Variants in AR observed in about 807,000 individuals in gnomAD.
AR encodes dihydrotestosterone receptor.
AR carries 8 observed loss-of-function variants against 53.9 expected under a neutral mutation model. That is an observed-to-expected ratio of 0.15 (90% CI 0.09 to 0.27). The LOEUF (loss-of-function observed/expected upper bound fraction) is 0.27. Among genes scored for constraint, AR ranks in the 10% least tolerant of loss-of-function variants. The probability of loss-of-function intolerance (pLI) is 1.00; values close to 1 mark genes in which losing one functional copy is unlikely to be tolerated. For missense variants in AR, 639 were observed against 742.5 expected, an observed-to-expected ratio of 0.86 and a Z score of 1.62; for synonymous variants, 359 against 316.4, an observed-to-expected ratio of 1.13 and a Z score of -1.43.
At chrX:67,666,572 C>A (rs536445302) in intron 2 of AR, among the ~76,000 whole-genome samples, 1 of 111,544 alleles carries the variant, frequency 9.0e-6, no homozygotes, top group Non-Finnish European at 1.9e-5. Flanking sequence ...AGGGTGTATA[C>A]CCAGCAGTGG....
intron 2 of AR, among the ~76,000 whole-genome samples, chrX:67,653,739 G>A (rs1467360840): frequency 2.7e-5 from 3 of 110,872 alleles, no homozygotes; most frequent in African/African-American, 6.6e-5. Context: ...TATCCAGGTA[G>A]TGTAACAAGA....
At chrX:67,559,366 C>T (rs1171596533) in intron 1 of AR, among the ~76,000 whole-genome samples, 2 of 111,841 alleles carry the variant, frequency 1.8e-5, no homozygotes, top group African/African-American at 3.3e-5. Context: ...TGAGCAGAGT[C>T]CATTTCCTTC....
intron 3 of AR, chrX:67,695,296 G>A (rs927490851): frequency 1.4e-4 from 104 of 752,382 alleles, no homozygotes; most frequent in Non-Finnish European, 1.6e-4. Context: ...CTCAGGCCCT[G>A]TCACTGAGCT....
At chrX:67,556,461 G>A (rs972660038) in intron 1 of AR, among the ~76,000 whole-genome samples, 3 of 111,623 alleles carry the variant, frequency 2.7e-5, no homozygotes, top group Non-Finnish European at 5.6e-5. Context: ...GAGAGTTCTG[G>A]GTGCCAATAA....
chrX:67,691,505 G>A (rs1420093513), intron 3 of AR, among the ~76,000 whole-genome samples: 2 of 111,975 alleles, frequency 1.8e-5, no homozygotes, highest in African/African-American at 6.5e-5. Context: ...AGTAACCGAG[G>A]AGCTTTGTAA....
At chrX:67,702,783 G>C (rs1382200563) in intron 3 of AR, among the ~76,000 whole-genome samples, 14 of 112,317 alleles carry the variant, frequency 1.2e-4, no homozygotes, top group Non-Finnish European at 1.9e-5. Flanking sequence ...TTTCTAATTA[G>C]AACTAAAAGT....
intron 2 of AR, among the ~76,000 whole-genome samples, chrX:67,656,700 C>A (rs780599861): frequency 9.0e-6 from 1 of 111,307 alleles, no homozygotes; most frequent in Non-Finnish European, 1.9e-5. Flanking sequence ...ACCTAATTCA[C>A]CTCAGTTCAA....
chrX:67,633,776 T>G (rs1440810167), intron 1 of AR, among the ~76,000 whole-genome samples: 1 of 111,807 alleles, frequency 8.9e-6, no homozygotes, highest in Non-Finnish European at 1.9e-5. Context: ...GGATGAACCT[T>G]GAAAACATTA....
chrX:67,653,655 C>T (rs1415902039), intron 2 of AR, among the ~76,000 whole-genome samples: 1 of 111,137 alleles, frequency 9.0e-6, no homozygotes, highest in East Asian at 2.8e-4. Flanking sequence ...GCTCTTTGTA[C>T]CTTGCTCCCT....
At chrX:67,604,539 G>A (rs1395200858) in intron 1 of AR, among the ~76,000 whole-genome samples, 1 of 110,838 alleles carries the variant, frequency 9.0e-6, no homozygotes, top group African/African-American at 3.3e-5. Flanking sequence ...CTGATCTGTT[G>A]GGAAATGTGT....
At position 67,583,008 on chromosome X, in the gene AR, C is replaced by T. The variant is rs191176839; in HGVS notation, c.1616+36246C>T. On this transcript the variant is annotated intron_variant, in intron 1 of 7. Coordinates refer to ENST00000374690, the MANE Select transcript of AR (RefSeq NM_000044.6). ...AAGAAGTGGCAGCTTCATTTTTGGT[C>T]ATTGCAAACAGCAGTGCCATACATG... Among the ~76,000 whole-genome samples the T allele has an allele frequency of 2.3e-3, 255 of 111,813 alleles. 1 individual carries two copies. The highest frequency in any genetic ancestry group is 8.0e-3 in the African/African-American group (248 of 30,878).
rs2076171145 is a variant in AR, at chrX:67,729,394, G to A, written c.*5553G>A. ...TTACTCCTCTTCAGACATTTCAGCTGAGATAACAAATCTTTTGGAATTTTT... is the reference window on the plus strand; with the variant it reads ...TTACTCCTCTTCAGACATTTCAGCTAAGATAACAAATCTTTTGGAATTTTT... On this transcript the variant is annotated 3_prime_UTR_variant, in exon 8 of 8. Coordinates refer to ENST00000374690, the MANE Select transcript of AR (RefSeq NM_000044.6). 1 of 173,414 alleles carries A rather than the reference G, an allele frequency of 5.8e-6. No individual in the cohort carries two copies. Among genetic ancestry groups the A allele is most frequent in the Non-Finnish European group, 1.1e-5 (1 of 91,058 alleles). The allele number at this position is 173,414 out of a possible 1,213,427, so 14.3% of individuals were successfully genotyped here.
intron 2 of AR, among the ~76,000 whole-genome samples, chrX:67,657,950 A>G (rs1926667780): frequency 8.9e-6 from 1 of 111,778 alleles, no homozygotes. Context: ...GAGCATGTCT[A>G]TCACAGATAA....
intron 1 of AR, among the ~76,000 whole-genome samples, chrX:67,582,814 G>A (rs905131219): frequency 2.7e-5 from 3 of 111,419 alleles, no homozygotes; most frequent in East Asian, 5.6e-4. Flanking sequence ...CTCCACTCCC[G>A]TATCCATCGC....
intron 1 of AR, among the ~76,000 whole-genome samples, chrX:67,630,992 T>C (rs1162177775): frequency 8.9e-6 from 1 of 111,871 alleles, no homozygotes; most frequent in Non-Finnish European, 1.9e-5. Context: ...GCTTGTAAAG[T>C]TTCTGCCGAG....
rs1260781582 is a variant in AR at position 67,675,865 on chromosome X, C to A, written c.1769-10145C>A. Among the ~76,000 whole-genome samples the A allele has an allele frequency of 3.6e-5, 4 of 111,248 alleles. No individual in the cohort carries two copies. The East Asian group carries it at 1.1e-3, about 32-fold the overall frequency. On this transcript the variant is annotated intron_variant, in intron 2 of 7. Coordinates refer to ENST00000374690, the MANE Select transcript of AR (RefSeq NM_000044.6). ...ACAATTGCTGGAGGCTTCTCTTTGG[C>A]CATCTTGCTCCACCTCTACCCTAGT... is the stretch of plus-strand genomic sequence containing the variant.
intron 1 of AR, among the ~76,000 whole-genome samples, chrX:67,628,539 G>C (rs1044340246): frequency 2.8e-5 from 3 of 108,583 alleles, no homozygotes; most frequent in Non-Finnish European, 3.8e-5. Flanking sequence ...ATTTTGGGCT[G>C]AGACAACGGG....
In AR at chrX:67,544,481, C is replaced by G; in HGVS notation, c.-666C>G. The G allele has an allele frequency of 6.7e-6, 1 of 149,796 alleles. No individual in the cohort carries two copies. The highest frequency in any genetic ancestry group is 1.3e-5 in the Non-Finnish European group (1 of 79,782). The allele number at this position is 149,796 out of a possible 1,213,427, so 12.3% of individuals were successfully genotyped here. A position where few individuals can be genotyped will look rare whatever the true frequency, so the allele number is the denominator to read the frequency against. On this transcript the variant is annotated 5_prime_UTR_variant, in exon 1 of 8. Coordinates refer to ENST00000374690, the MANE Select transcript of AR (RefSeq NM_000044.6). ...CCCCGCCCCCGTCGGCCCAGCGCTG[C>G]CAGCCCGAGTTTGCAGAGAGGTAAC...
chrX:67,681,360 T>C (rs2075932828), intron 2 of AR, among the ~76,000 whole-genome samples: 1 of 111,702 alleles, frequency 9.0e-6, no homozygotes, highest in South Asian at 3.7e-4. Context: ...TCTCTGTCAC[T>C]TGAATACAGA....
Sources: allele counts gnomAD v4.1 joint callset (sites outside exome capture counted in the v4.1 genomes callset), GRCh38; gene constraint gnomAD v4.1.1; transcripts MANE v1.5; gene names NCBI Gene and HGNC (gene_info 2026-07-23, HGNC 2026-07-21).